Variants in ANKS1B observed in about 807,000 individuals in gnomAD.
ANKS1B encodes the protein ankyrin repeat and sterile alpha motif domain-containing protein 1B.
In ANKS1B, 36 loss-of-function variants were observed where a neutral mutation model predicts 148.3. That is an observed-to-expected ratio of 0.24 (90% CI 0.19 to 0.32). ANKS1B has a LOEUF of 0.32. Among genes scored for constraint, ANKS1B ranks in the 10% least tolerant of loss-of-function variants. ANKS1B has a pLI of 1.00. For synonymous variants in ANKS1B, 542 were observed against 560.8 expected, an observed-to-expected ratio of 0.97 and a Z score of 0.47; for missense variants, 1,157 against 1,542.6, an observed-to-expected ratio of 0.75 and a Z score of 4.19.
intron 15 of ANKS1B, among the ~76,000 whole-genome samples, chr12:99,132,622 G>A (rs2066494793): frequency 6.6e-6 from 1 of 152,120 alleles, no homozygotes; most frequent in African/African-American, 2.4e-5. Context: ...AAAAAGGGGG[G>A]CTTGAGAGTT....
Position 99,812,283 on chromosome 12 carries a change from C to T in ANKS1B, c.244G>A (p.Glu82Lys). The T allele has an allele frequency of 6.2e-7, 1 of 1,611,288 alleles. No homozygotes were observed. ...TTGTCTGCTACATTTGTTGATGCCT[C>T]ATACTGAAGTAGTTTGAGAACTATG... Reference protein sequence around the residue: ...KDIVLKLLQYEASTNVADNKG... With the variant: ...KDIVLKLLQYKASTNVADNKG... The change falls in exon 3 of 27, where the codon GAG becomes AAG. Residue 82 changes from glutamate (E) to lysine (K), a missense_variant. Physicochemically the swap from Glu to Lys is moderately conservative, Grantham distance 56. Coordinates refer to ENST00000683438, the MANE Select transcript of ANKS1B (RefSeq NM_001352186.2).
chr12:99,436,528 T>C (rs2095463737), intron 11 of ANKS1B, among the ~76,000 whole-genome samples: 1 of 152,066 alleles, frequency 6.6e-6, no homozygotes, highest in South Asian at 2.1e-4. Flanking sequence ...TATGCCTCTG[T>C]TTTTTACATA....
Position 99,504,594 on chromosome 12 carries a change from A to T in ANKS1B, c.1320T>A (p.Ser440=). The T allele has an allele frequency of 1.9e-6, 3 of 1,610,788 alleles. No individual in the cohort carries two copies. The highest frequency in any genetic ancestry group is 2.5e-6 in the Non-Finnish European group (3 of 1,178,298). Residue 440 remains serine (S), a synonymous_variant, in exon 10 of 27, where the codon TCT becomes TCA. Coordinates refer to ENST00000683438, the MANE Select transcript of ANKS1B (RefSeq NM_001352186.2). ...KRNYTMEIVP[S]ASLDTFPSEN... ...CTGAAGGAAATGTATCCAGAGAAGC[A>T]GATGGTACAATTTCCATAGTGTAAT...
intron 9 of ANKS1B, among the ~76,000 whole-genome samples, chr12:99,624,268 G>T (rs1598339688): frequency 6.6e-6 from 1 of 152,164 alleles, no homozygotes; most frequent in Middle Eastern, 3.4e-3. Context: ...ATGGATTAAA[G>T]ACTTAAACGT....
chr12:99,746,730 C>T (rs942099383), intron 8 of ANKS1B, among the ~76,000 whole-genome samples: 1 of 152,040 alleles, frequency 6.6e-6, no homozygotes, highest in African/African-American at 2.4e-5. Context: ...CAGTTCAGAC[C>T]TCAGGAGGCA....
At chr12:99,524,530 A>G (rs2096907336) in intron 9 of ANKS1B, among the ~76,000 whole-genome samples, 1 of 152,216 alleles carries the variant, frequency 6.6e-6, no homozygotes, top group Non-Finnish European at 1.5e-5. Context: ...CAGTGATGCA[A>G]CACGAGGTAT....
At chr12:99,668,719 AT>A (rs35069354) in intron 8 of ANKS1B, among the ~76,000 whole-genome samples, 26,496 of 149,592 alleles carry the variant, frequency 0.18, 3,315 homozygotes, top group East Asian at 0.47. Flanking sequence ...TGTTTTTGTT[AT>A]TTTTTTTTGT....
At chr12:99,208,461 AAG>A (rs2082938897) in intron 14 of ANKS1B, among the ~76,000 whole-genome samples, 1 of 152,266 alleles carries the variant, frequency 6.6e-6, no homozygotes, top group Admixed American at 6.5e-5. Context: ...CACCTTTTAA[AAG>A]AGAGATATTA....
chr12:99,500,888 A>AT (rs2096649077), intron 10 of ANKS1B, among the ~76,000 whole-genome samples: 1 of 152,142 alleles, frequency 6.6e-6, no homozygotes, highest in Non-Finnish European at 1.5e-5. Context: ...TTTGCAGTAT[A>AT]TCTTTCAAGT....
At chr12:99,327,331 A>G (rs1437139285) in intron 12 of ANKS1B, among the ~76,000 whole-genome samples, 7 of 127,066 alleles carry the variant, frequency 5.5e-5, no homozygotes, top group African/African-American at 1.8e-4. Context: ...CATATTATAT[A>G]TAATTATATA....
intron 26 of ANKS1B, among the ~76,000 whole-genome samples, chr12:98,749,093 C>T (rs2097991976): frequency 6.6e-6 from 1 of 152,022 alleles, no homozygotes. Flanking sequence ...TCCCTGTGTG[C>T]ATGAAACTTA....
chr12:99,088,683 C>G (rs560916910), intron 15 of ANKS1B, among the ~76,000 whole-genome samples: 159 of 152,052 alleles, frequency 1.0e-3, no homozygotes, highest in African/African-American at 3.6e-3. Context: ...CAAAATGTTT[C>G]AAACCTTATA....
intron 1 of ANKS1B, among the ~76,000 whole-genome samples, chr12:99,931,576 G>C (rs779528020): frequency 6.1e-4 from 93 of 152,212 alleles, no homozygotes; most frequent in South Asian, 1.9e-3. Context: ...TTTAATTAAT[G>C]TGTCTATCAA....
intron 9 of ANKS1B, among the ~76,000 whole-genome samples, chr12:99,586,774 T>TTAC (rs2097646175): frequency 6.6e-6 from 1 of 152,156 alleles, no homozygotes; most frequent in South Asian, 2.1e-4. Flanking sequence ...AAGTCATGTC[T>TTAC]TACGTGGTTG....
At chr12:99,690,561 C>A (rs1222629505) in intron 8 of ANKS1B, among the ~76,000 whole-genome samples, 2 of 152,148 alleles carry the variant, frequency 1.3e-5, no homozygotes, top group Admixed American at 1.3e-4. Flanking sequence ...AGGCCCCATG[C>A]AAGTCTGAAA....
intron 17 of ANKS1B, among the ~76,000 whole-genome samples, chr12:99,010,753 TATTA>T (rs1475043004): frequency 2.3e-5 from 3 of 131,244 alleles, no homozygotes; most frequent in African/African-American, 6.6e-5. Context: ...TTATTATTAT[TATTA>T]TTATTTTTTT....
rs2089898540 is a variant in ANKS1B at position 99,860,616 on chromosome 12, T to A, written c.135-35227A>T. On this transcript the variant is annotated intron_variant, in intron 1 of 26. Coordinates refer to ENST00000683438, the MANE Select transcript of ANKS1B (RefSeq NM_001352186.2). The stretch of plus-strand genomic sequence containing the variant: ...AGACTAGAGATTAGTACTGCAACAG[T>A]TAGGTGCATCCCTAAACAATACAAC... 2.0e-5 allele frequency among the ~76,000 whole-genome samples: 3 copies of A among 152,098 alleles called. No individual in the cohort carries two copies. In the South Asian group the frequency reaches 6.2e-4, roughly 31 times the overall value.
chr12:99,668,586 T>C (rs1003489799), intron 8 of ANKS1B, among the ~76,000 whole-genome samples: 5 of 152,120 alleles, frequency 3.3e-5, no homozygotes, highest in Non-Finnish European at 7.4e-5. Context: ...CTAAGTTTCT[T>C]TGTGACTTTA....
At chr12:99,495,678 T>A (rs1169472879) in intron 10 of ANKS1B, among the ~76,000 whole-genome samples, 1 of 152,228 alleles carries the variant, frequency 6.6e-6, no homozygotes, top group Non-Finnish European at 1.5e-5. Context: ...CCAGTATTTG[T>A]GTGTAAAATA....
Sources: allele counts gnomAD v4.1 joint callset (sites outside exome capture counted in the v4.1 genomes callset), GRCh38; gene constraint gnomAD v4.1.1; transcripts MANE v1.5; gene names NCBI Gene and HGNC (gene_info 2026-07-23, HGNC 2026-07-21).